KLHL1: variants seen among roughly 807,000 people sequenced by gnomAD.
The protein encoded by KLHL1 is kelch like family member 1, also known as kelch-like protein 1.
In KLHL1, 47 loss-of-function variants were observed where a neutral mutation model predicts 77.7. That is an observed-to-expected ratio of 0.60 (90% CI 0.48 to 0.77). KLHL1 has a LOEUF of 0.77. Among genes scored for constraint, KLHL1 ranks in the 30% least tolerant of loss-of-function variants. The probability of loss-of-function intolerance (pLI) is 0.00; values close to 1 mark genes in which losing one functional copy is unlikely to be tolerated. For synonymous variants in KLHL1, 360 were observed against 325.2 expected (o/e 1.11, Z -1.15); for missense variants, 925 against 910.8 (o/e 1.02, Z -0.20).
At chr13:70,019,317 G>C (rs532288108) in intron 1 of KLHL1, among the ~76,000 whole-genome samples, 36 of 152,180 alleles carry the variant, frequency 2.4e-4, no homozygotes, top group Non-Finnish European at 4.4e-4. Flanking sequence ...GGAAGAAAAA[G>C]ATACTGAATG....
At chr13:69,702,285 TA>T (rs1275352025) in intron 10 of KLHL1, among the ~76,000 whole-genome samples, 1 of 151,704 alleles carries the variant, frequency 6.6e-6, no homozygotes, top group African/African-American at 2.4e-5. Context: ...ATATGCTTAT[TA>T]AAAATTTTCC....
At chr13:69,939,378 T>TATATATATACACACAC (rs1200160699) in intron 4 of KLHL1, among the ~76,000 whole-genome samples, 8 of 70,816 alleles carry the variant, frequency 1.1e-4, no homozygotes, top group Non-Finnish European at 1.9e-4. Context: ...TATATATATA[T>TATATATATACACACAC]ACACACACAC....
At chr13:69,834,713 G>A (rs1022295193) in intron 6 of KLHL1, among the ~76,000 whole-genome samples, 2 of 152,062 alleles carry the variant, frequency 1.3e-5, no homozygotes, top group Non-Finnish European at 2.9e-5. Flanking sequence ...GAAAGTTTCT[G>A]TTGCCAAGTT....
intron 1 of KLHL1, among the ~76,000 whole-genome samples, chr13:70,038,852 T>C (rs577717778): frequency 6.6e-5 from 10 of 151,900 alleles, no homozygotes; most frequent in East Asian, 2.0e-4. Context: ...TGGCCTCCCA[T>C]AGTGCTGGGA....
chr13:69,892,974 G>T (rs1464738418), intron 4 of KLHL1, among the ~76,000 whole-genome samples: 4 of 151,896 alleles, frequency 2.6e-5, no homozygotes. Flanking sequence ...TTCCCTTCTG[G>T]GATGAATAAT....
At chr13:69,985,013 A>G (rs1380766489) in intron 1 of KLHL1, among the ~76,000 whole-genome samples, 2 of 152,086 alleles carry the variant, frequency 1.3e-5, no homozygotes, top group Non-Finnish European at 2.9e-5. Context: ...CAGGAGGCTG[A>G]AGCAGGGAGG....
At chr13:70,061,484 G>A (rs931314509) in intron 1 of KLHL1, among the ~76,000 whole-genome samples, 12 of 151,904 alleles carry the variant, frequency 7.9e-5, no homozygotes, top group Non-Finnish European at 1.6e-4. Context: ...AGTAAGTGTG[G>A]GCAGCATATT....
chr13:69,725,815 T>A (rs751809714), intron 8 of KLHL1, among the ~76,000 whole-genome samples: 51 of 152,156 alleles, frequency 3.4e-4, no homozygotes, highest in Non-Finnish European at 7.4e-5. Context: ...ATAAGAGTAA[T>A]CTGACAGCAG....
At chr13:69,969,633 A>G (rs1884320948) in intron 2 of KLHL1, among the ~76,000 whole-genome samples, 2 of 152,142 alleles carry the variant, frequency 1.3e-5, no homozygotes, top group Admixed American at 6.6e-5. Flanking sequence ...TATATTATTC[A>G]ATTTTAAATA....
chr13:69,732,700 G>A (rs76456755), intron 8 of KLHL1, among the ~76,000 whole-genome samples: 4 of 150,366 alleles, frequency 2.7e-5, no homozygotes, highest in Non-Finnish European at 4.4e-5. Context: ...TTTTCTCACC[G>A]TAGCAGCCCT....
chr13:69,889,538 C>T lies in KLHL1; in HGVS notation c.1015-7043G>A, dbSNP rs112383195. The stretch of plus-strand genomic sequence containing the variant: ...GTTCTCCTCACCCATCTATTTTGAG[C>T]TTAATGTCTTACTTTGACCTATGTA... On this transcript the variant is annotated intron_variant, in intron 4 of 10. Coordinates refer to ENST00000377844, the MANE Select transcript of KLHL1 (RefSeq NM_020866.3). Among the ~76,000 whole-genome samples, 79 of 152,072 alleles carry T rather than the reference C, an allele frequency of 5.2e-4. 1 individual carries two copies. The highest frequency in any genetic ancestry group is 1.8e-3 in the African/African-American group (74 of 41,490).
rs1881036866 is a variant in KLHL1, at chr13:69,882,453, G to T, written c.1057C>A (p.Leu353Ile). 9 of 1,613,802 alleles carry T rather than the reference G, an allele frequency of 5.6e-6. No individual in the cohort carries two copies. Among genetic ancestry groups the T allele is most frequent in the Non-Finnish European group, 7.6e-6 (9 of 1,179,754 alleles). The change falls in exon 5 of 11, where the codon CTT (leucine) becomes ATT (isoleucine). Residue 353 changes from leucine to isoleucine, a missense_variant. Leu to Ile is a conservative substitution (Grantham distance 5). Coordinates refer to ENST00000377844, the MANE Select transcript of KLHL1 (RefSeq NM_020866.3). ...EVIRNQEFLL[L>I]PAEELHKLLA... ...AGTTTATGGAGCTCCTCAGCTGGAA[G>T]GAGTAAAAACTCTTGATTTCTGATA...
rs145948986 is a variant in KLHL1 at position 69,806,998 on chromosome 13, G to A, written c.1415-10036C>T. ...TGTTCACACTACATGCCTTGGTGGT[G>A]CTCTGACCCTGTCTAGTTCCAGGCC... On this transcript the variant is annotated intron_variant, in intron 6 of 10. Coordinates refer to ENST00000377844, the MANE Select transcript of KLHL1 (RefSeq NM_020866.3). Among the ~76,000 whole-genome samples, 17 of 152,304 alleles carry A rather than the reference G, an allele frequency of 1.1e-4. No individual in the cohort carries two copies. The East Asian group carries it at 2.9e-3, about 26-fold the overall frequency.
At chr13:69,747,890 A>C (rs921728367) in intron 7 of KLHL1, among the ~76,000 whole-genome samples, 2 of 151,984 alleles carry the variant, frequency 1.3e-5, no homozygotes, top group African/African-American at 4.8e-5. Context: ...TTTTATAATT[A>C]AAAATATATT....
intron 1 of KLHL1, among the ~76,000 whole-genome samples, chr13:70,026,712 G>C (rs200197480): frequency 3.2e-5 from 1 of 30,942 alleles, no homozygotes; most frequent in Non-Finnish European, 1.4e-4. Context: ...GGGTGTGTGT[G>C]TGTGTGTGTG....
At chr13:69,871,115 C>T (rs188972373) in intron 5 of KLHL1, among the ~76,000 whole-genome samples, 8 of 152,230 alleles carry the variant, frequency 5.3e-5, no homozygotes, top group East Asian at 1.9e-4. Context: ...AAGCTTCCAC[C>T]GCTTTTCCAT....
At chr13:69,982,459 A>C (rs1443095537) in intron 1 of KLHL1, among the ~76,000 whole-genome samples, 1 of 137,062 alleles carries the variant, frequency 7.3e-6, no homozygotes, top group Non-Finnish European at 1.5e-5. Context: ...TAATAATAAT[A>C]ATAATAATAA....
At chr13:69,805,418 A>T (rs1160903763) in intron 6 of KLHL1, among the ~76,000 whole-genome samples, 1 of 152,014 alleles carries the variant, frequency 6.6e-6, no homozygotes, top group East Asian at 1.9e-4. Flanking sequence ...GGAAACAAAG[A>T]ATATAGAACA....
intron 1 of KLHL1, among the ~76,000 whole-genome samples, chr13:70,015,803 C>T (rs1261776294): frequency 6.6e-6 from 1 of 151,878 alleles, no homozygotes; most frequent in Admixed American, 6.6e-5. Context: ...GGACATAATC[C>T]CATTATATGT....
Sources: gnomAD v4.1 joint callset for allele counts (sites outside exome capture counted in the v4.1 genomes callset) on GRCh38, gnomAD v4.1.1 for gene constraint, MANE v1.5 for transcripts, NCBI Gene and HGNC (gene_info 2026-07-23, HGNC 2026-07-21) for gene names.